Variants in SNCAIP observed in about 807,000 individuals in gnomAD.
SNCAIP encodes synuclein alpha interacting protein.
Under a neutral mutation model 86.7 loss-of-function variants are expected in SNCAIP, and 43 were observed. The observed-to-expected ratio is 0.50, with a 90% CI of 0.39 to 0.64. SNCAIP has a LOEUF of 0.64. SNCAIP is among the 30% of genes least tolerant of loss of function. SNCAIP has a pLI of 0.00. For synonymous variants in SNCAIP, 417 were observed against 427.2 expected (o/e 0.98, Z 0.29); for missense variants, 981 against 1,103.1 (o/e 0.89, Z 1.57).
At position 122,403,653 on chromosome 5, in the gene SNCAIP, A is replaced by G. The variant is rs1772320793; in HGVS notation, c.58-140A>G. ...TGCCAGGTCACCACGCAGCCCATTTAGGGTAAAATGAGATAAATTTTCTGA... is the reference window on the plus strand; with the variant it reads ...TGCCAGGTCACCACGCAGCCCATTTGGGGTAAAATGAGATAAATTTTCTGA... On this transcript the variant is annotated intron_variant, in intron 2 of 10. Coordinates refer to ENST00000261368, the MANE Select transcript of SNCAIP (RefSeq NM_005460.4). 3 of 783,558 alleles carry G rather than the reference A, an allele frequency of 3.8e-6. No individual in the cohort carries two copies. In the South Asian group the frequency reaches 4.1e-5, roughly 11 times the overall value. 48.5% of individuals were successfully genotyped at this position (783,558 alleles called of 1,614,324 possible).
chr5:122,417,240 C>T (rs1561713458), intron 3 of SNCAIP, among the ~76,000 whole-genome samples: 3 of 152,150 alleles, frequency 2.0e-5, no homozygotes, highest in Non-Finnish European at 4.4e-5. Flanking sequence ...TGCTCTGTGT[C>T]AGCAATCAGC....
rs1436288948 is a variant in SNCAIP, at chr5:122,391,209, C to T, written c.57+18C>T. On this transcript the variant is annotated intron_variant, in intron 2 of 10. Coordinates refer to ENST00000261368, the MANE Select transcript of SNCAIP (RefSeq NM_005460.4). ...ACATATCTGTAAGTACCACTGTATA[C>T]AAGAAATGCTTTCAAGATAATCTGC... The T allele has an allele frequency of 1.9e-6, 3 of 1,556,710 alleles. No individual in the cohort carries two copies. Among genetic ancestry groups the T allele is most frequent in the Middle Eastern group, 1.7e-4 (1 of 5,988 alleles).
intron 1 of SNCAIP, among the ~76,000 whole-genome samples, chr5:122,316,437 C>T (rs1751743336): frequency 6.6e-6 from 1 of 152,182 alleles, no homozygotes; most frequent in East Asian, 1.9e-4. Context: ...GACACTGGAG[C>T]ACTGCTGTCA....
At chr5:122,399,664 A>G (rs1771368474) in intron 2 of SNCAIP, among the ~76,000 whole-genome samples, 1 of 152,156 alleles carries the variant, frequency 6.6e-6, no homozygotes, top group South Asian at 2.1e-4. Context: ...TTGGTTTAAT[A>G]AGTGCCTAGT....
At chr5:122,352,128 T>C (rs1222989317) in intron 1 of SNCAIP, among the ~76,000 whole-genome samples, 1 of 152,222 alleles carries the variant, frequency 6.6e-6, no homozygotes, top group African/African-American at 2.4e-5. Context: ...TATCTTTTTG[T>C]TTCTGCTCCC....
Position 122,423,103 on chromosome 5 carries a change from T to C in SNCAIP, c.366T>C (p.Pro122=), listed in dbSNP as rs756736383. 3.1e-6 allele frequency: 5 copies of C among 1,614,148 alleles called. No homozygotes were observed. In the East Asian group the frequency reaches 8.9e-5, roughly 29 times the overall value. The change falls in exon 4 of 11, where the codon CCT becomes CCC. Residue 122 remains proline (P), a synonymous_variant. Coordinates refer to ENST00000261368, the MANE Select transcript of SNCAIP (RefSeq NM_005460.4). ...GCCCCCAGCCTCAGGAGCTTGGCCC[T>C]GGAGATGGAGTGGGCGGCCCACCAG... ...DLGPQPQELG[P]GDGVGGPPGK... is the part of the protein sequence containing the mutation.
chr5:122,318,810 C>T (rs1025682305), intron 1 of SNCAIP, among the ~76,000 whole-genome samples: 9 of 152,094 alleles, frequency 5.9e-5, no homozygotes, highest in African/African-American at 2.2e-4. Flanking sequence ...GGGTCAGAGA[C>T]CAGATAAGGA....
rs191982360 is a variant in SNCAIP, at chr5:122,397,127, T to C, written c.57+5936T>C. Among the ~76,000 whole-genome samples the C allele has an allele frequency of 1.3e-3, 196 of 152,274 alleles. 1 individual carries two copies. The highest frequency in any genetic ancestry group is 8.3e-3 in the South Asian group (40 of 4,824). On this transcript the variant is annotated intron_variant, in intron 2 of 10. Transcript: ENST00000261368. ...TTTTTTACCAGTGAAGAGACTGATATACAAAGGTTAACTAAGATTAATTAG... is the reference window on the plus strand; with the variant it reads ...TTTTTTACCAGTGAAGAGACTGATACACAAAGGTTAACTAAGATTAATTAG...
intron 5 of SNCAIP, among the ~76,000 whole-genome samples, chr5:122,429,343 TA>T (rs1654386404): frequency 6.9e-6 from 1 of 143,886 alleles, no homozygotes; most frequent in Admixed American, 7.0e-5. Flanking sequence ...AAAATTAGAG[TA>T]AAAAGAAATA....
chr5:122,346,541 A>C (rs979512129), intron 1 of SNCAIP, among the ~76,000 whole-genome samples: 1 of 151,974 alleles, frequency 6.6e-6, no homozygotes, highest in Non-Finnish European at 1.5e-5. Flanking sequence ...GCGAAATAAA[A>C]CTTCCTCTTT....
At chr5:122,428,300 A>G (rs1277814630) in intron 5 of SNCAIP, among the ~76,000 whole-genome samples, 1 of 152,140 alleles carries the variant, frequency 6.6e-6, no homozygotes, top group African/African-American at 2.4e-5. Flanking sequence ...GCAGGCAAAA[A>G]TCTCCTGCTA....
intron 1 of SNCAIP, among the ~76,000 whole-genome samples, chr5:122,387,443 T>G (rs1052663901): frequency 1.2e-4 from 19 of 152,214 alleles, no homozygotes; most frequent in African/African-American, 4.3e-4. Context: ...TGAGTCACCA[T>G]GCCCGACCCT....
upstream of SNCAIP, chr5:122,311,584 C>A (rs1750589173): frequency 6.6e-6 from 1 of 151,558 alleles, no homozygotes; most frequent in Non-Finnish European, 1.5e-5. Flanking sequence ...CTGGAATGGT[C>A]TGGGGACCAA....
intron 2 of SNCAIP, among the ~76,000 whole-genome samples, chr5:122,400,818 C>T (rs1207252315): frequency 6.6e-6 from 1 of 152,122 alleles, no homozygotes; most frequent in African/African-American, 2.4e-5. Flanking sequence ...CTTCTTCAGA[C>T]ATGGTAGAGA....
intron 1 of SNCAIP, among the ~76,000 whole-genome samples, chr5:122,357,188 C>A (rs567997096): frequency 6.6e-6 from 1 of 152,154 alleles, no homozygotes; most frequent in Non-Finnish European, 1.5e-5. Flanking sequence ...GACTTGCTTT[C>A]TTTTGTCAAT....
chr5:122,315,728 A>G (rs1206968793), intron 1 of SNCAIP, among the ~76,000 whole-genome samples: 1 of 152,170 alleles, frequency 6.6e-6, no homozygotes, highest in East Asian at 1.9e-4. Context: ...GTATGACACA[A>G]TGATAATAAA....
At chr5:122,340,326 A>G (rs1291865785) in intron 1 of SNCAIP, among the ~76,000 whole-genome samples, 3 of 152,190 alleles carry the variant, frequency 2.0e-5, no homozygotes, top group Admixed American at 6.5e-5. Flanking sequence ...AAATAGTACT[A>G]TGTAGTACTG....
At chr5:122,403,747 C>A in intron 2 of SNCAIP, 46 bp from the exon 3 acceptor site, 1 of 1,454,324 alleles carries the variant, frequency 6.9e-7, no homozygotes, top group Non-Finnish European at 9.7e-7. Flanking sequence ...TGAATGCTCG[C>A]ATTTTAAATT....
intron 3 of SNCAIP, among the ~76,000 whole-genome samples, chr5:122,416,546 C>T (rs1404791253): frequency 6.6e-6 from 1 of 152,174 alleles, no homozygotes; most frequent in Non-Finnish European, 1.5e-5. Flanking sequence ...TCTCCAAATC[C>T]AGAGTTGACT....
Sources: gnomAD v4.1 joint callset for allele counts (sites outside exome capture counted in the v4.1 genomes callset) on GRCh38, gnomAD v4.1.1 for gene constraint, MANE v1.5 for transcripts, NCBI Gene and HGNC (gene_info 2026-07-23, HGNC 2026-07-21) for gene names.